ANO4: variants seen among roughly 807,000 people sequenced by gnomAD.
ANO4 encodes the protein anoctamin-4.
Under a neutral mutation model 141.9 loss-of-function variants are expected in ANO4, and 69 were observed. The observed-to-expected ratio is 0.49, with a 90% CI of 0.40 to 0.59. The LOEUF is 0.59. Among genes scored for constraint, ANO4 ranks in the 20% least tolerant of loss-of-function variants. The pLI, the probability that ANO4 is intolerant of heterozygous loss-of-function variation, is 0.00. For synonymous variants in ANO4, 350 were observed against 394.3 expected (o/e 0.89, Z 1.33); for missense variants, 894 against 1,162.2 (o/e 0.77, Z 3.36).
At chr12:101,058,297 A>T (rs1455121950) in intron 14 of ANO4, among the ~76,000 whole-genome samples, 2 of 152,176 alleles carry the variant, frequency 1.3e-5, no homozygotes, top group Non-Finnish European at 2.9e-5. Context: ...AGGTAGCGTG[A>T]TGCCTCCAGC....
At chr12:100,898,042 A>C (rs2040425561) in intron 1 of ANO4, among the ~76,000 whole-genome samples, 1 of 152,234 alleles carries the variant, frequency 6.6e-6, no homozygotes, top group Non-Finnish European at 1.5e-5. Context: ...ATATCAGTTA[A>C]TCACTTTGTT....
intron 1 of ANO4, among the ~76,000 whole-genome samples, chr12:100,899,060 G>C (rs116481711): frequency 1.3e-5 from 2 of 152,124 alleles, no homozygotes; most frequent in Admixed American, 1.3e-4. Flanking sequence ...TGTGGTGTCT[G>C]TCCTACTTAT....
chr12:100,757,675 A>T (rs1221077237), intron 3 of ANO4, among the ~76,000 whole-genome samples: 1 of 152,214 alleles, frequency 6.6e-6, no homozygotes, highest in Non-Finnish European at 1.5e-5. Flanking sequence ...TGATAAGTGG[A>T]TGTCCAGTCT....
intron 1 of ANO4, among the ~76,000 whole-genome samples, chr12:100,857,103 A>G (rs978807164): frequency 3.9e-5 from 6 of 152,148 alleles, no homozygotes; most frequent in Non-Finnish European, 8.8e-5. Flanking sequence ...CATGGGGCGT[A>G]TGGAGACTCA....
chr12:101,032,411 C>T (rs1320689104), intron 9 of ANO4, among the ~76,000 whole-genome samples: 4 of 152,080 alleles, frequency 2.6e-5, no homozygotes, highest in African/African-American at 4.8e-5. Context: ...CGCTTGCTTA[C>T]GTCTTATACA....
At chr12:101,085,502 T>C (rs2049454374) in intron 16 of ANO4, among the ~76,000 whole-genome samples, 2 of 152,126 alleles carry the variant, frequency 1.3e-5, no homozygotes, top group African/African-American at 4.8e-5. Flanking sequence ...AATCTAGAGA[T>C]GATTTAAAGT....
At chr12:101,047,854 A>G (rs2047693278) in intron 13 of ANO4, 4 of 221,786 alleles carry the variant, frequency 1.8e-5, no homozygotes, top group Non-Finnish European at 3.0e-5. Flanking sequence ...TCTTTTTTAT[A>G]AGGCTGAAAT....
intron 1 of ANO4, among the ~76,000 whole-genome samples, chr12:100,901,440 A>G (rs557727627): frequency 2.6e-5 from 4 of 152,326 alleles, no homozygotes; most frequent in South Asian, 4.1e-4. Context: ...AGGAATTTTT[A>G]TAAGAATTTT....
At chr12:100,751,529 A>C (rs1253129141) in intron 3 of ANO4, among the ~76,000 whole-genome samples, 1 of 152,108 alleles carries the variant, frequency 6.6e-6, no homozygotes, top group African/African-American at 2.4e-5. Context: ...TGTCTTTTTC[A>C]GGCAAATAAG....
At chr12:101,014,172 T>C (rs1471288094) in intron 8 of ANO4, among the ~76,000 whole-genome samples, 1 of 152,104 alleles carries the variant, frequency 6.6e-6, no homozygotes, top group Non-Finnish European at 1.5e-5. Context: ...ACAAACATAA[T>C]ATTTACTTGT....
chr12:100,779,209 G>A (rs2033635101), intron 3 of ANO4, among the ~76,000 whole-genome samples: 1 of 152,236 alleles, frequency 6.6e-6, no homozygotes, highest in Non-Finnish European at 1.5e-5. Flanking sequence ...TGAGAACACA[G>A]GACTATGCCT....
intron 3 of ANO4, among the ~76,000 whole-genome samples, chr12:100,753,902 T>C (rs2032496382): frequency 6.6e-6 from 1 of 152,226 alleles, no homozygotes; most frequent in Non-Finnish European, 1.5e-5. Flanking sequence ...TCCAAGCCAC[T>C]TCTGTGTTCC....
chr12:100,727,539 C>T (rs1182674680), intron 1 of ANO4, among the ~76,000 whole-genome samples: 2 of 151,986 alleles, frequency 1.3e-5, no homozygotes, highest in Non-Finnish European at 2.9e-5. Context: ...AAATATTTTA[C>T]TTTCAACATT....
chr12:100,851,906 G>T (rs1254297022), intron 1 of ANO4, among the ~76,000 whole-genome samples: 2 of 152,188 alleles, frequency 1.3e-5, no homozygotes, highest in African/African-American at 4.8e-5. Flanking sequence ...CTATCAGGAA[G>T]GCCTGTGTTG....
intron 2 of ANO4, among the ~76,000 whole-genome samples, chr12:100,739,684 T>C (rs951921487): frequency 2.0e-5 from 3 of 152,250 alleles, no homozygotes; most frequent in Non-Finnish European, 4.4e-5. Context: ...GTTGATTAAG[T>C]GAACAAGAGC....
In ANO4 at chr12:101,110,025, A is replaced by G. The variant is rs2050601939; in HGVS notation, c.2150-379A>G. Among the ~76,000 whole-genome samples the G allele has an allele frequency of 3.3e-5, 5 of 152,200 alleles. No homozygotes were observed. The South Asian group carries it at 1.0e-3, about 32-fold the overall frequency. ...CAAGTTTGTTCTGTGTCCTATTGGC[A>G]TGTCCCCATCATTTGTTGAGCATTT... On this transcript the variant is annotated intron_variant, in intron 22 of 27. Coordinates refer to ENST00000392977, the MANE Select transcript of ANO4 (RefSeq NM_001286615.2).
chr12:100,762,100 T>G (rs1043137060), intron 3 of ANO4, among the ~76,000 whole-genome samples: 5 of 152,160 alleles, frequency 3.3e-5, no homozygotes, highest in African/African-American at 1.2e-4. Context: ...TTCCCTTAAT[T>G]GTGAGCATAT....
chr12:100,951,769 T>C (rs1054739905), intron 5 of ANO4, among the ~76,000 whole-genome samples: 2 of 152,214 alleles, frequency 1.3e-5, no homozygotes, highest in Non-Finnish European at 2.9e-5. Context: ...GATAGCTGAT[T>C]TTCACAGCTG....
chr12:100,820,355 C>CAAAAAAAAAAA, intron 1 of ANO4, among the ~76,000 whole-genome samples: 1 of 141,194 alleles, frequency 7.1e-6, no homozygotes, highest in Non-Finnish European at 1.5e-5. Context: ...GTCGGTTTCT[C>CAAAAAAAAAAA]AAAAAAAAAA....
Sources: gnomAD v4.1 joint callset for allele counts (sites outside exome capture counted in the v4.1 genomes callset) on GRCh38, gnomAD v4.1.1 for gene constraint, MANE v1.5 for transcripts, NCBI Gene and HGNC (gene_info 2026-07-23, HGNC 2026-07-21) for gene names.